Variants in PACRGL observed in about 807,000 individuals in gnomAD.
PACRGL encodes PACRG-like protein.
PACRGL carries 38 observed loss-of-function variants against 34.5 expected under a neutral mutation model. The observed-to-expected ratio is 1.10, with a 90% CI of 0.85 to 1.44. PACRGL has a LOEUF of 1.44. Among genes scored for constraint, PACRGL ranks in the 40% most tolerant of loss-of-function variants. The pLI is 0.00. For missense variants in PACRGL, 305 were observed against 281.4 expected, an observed-to-expected ratio of 1.08 and a Z score of -0.60; for synonymous variants, 128 against 100.1, an observed-to-expected ratio of 1.28 and a Z score of -1.66.
At chr4:20,757,527 C>T (rs1403536059), downstream of PACRGL, among the ~76,000 whole-genome samples, 1 of 152,176 alleles carries the variant, frequency 6.6e-6, no homozygotes, top group Non-Finnish European at 1.5e-5. Flanking sequence ...CCATTGTACA[C>T]TCTCTACCCT....
downstream of PACRGL, among the ~76,000 whole-genome samples, chr4:20,754,231 A>G (rs1472964408): frequency 1.3e-5 from 2 of 152,118 alleles, no homozygotes; most frequent in Non-Finnish European, 2.9e-5. Context: ...CAGCTCACCA[A>G]ACAAGTTGGG....
At chr4:20,757,795 G>A (rs578149433), downstream of PACRGL, among the ~76,000 whole-genome samples, 22 of 152,192 alleles carry the variant, frequency 1.4e-4, no homozygotes, top group South Asian at 2.3e-3. Flanking sequence ...TTATAGGTAG[G>A]GTTGTTGGAT....
intron 7 of PACRGL, among the ~76,000 whole-genome samples, chr4:20,720,682 G>T (rs187389663): frequency 5.3e-5 from 8 of 152,292 alleles, no homozygotes; most frequent in African/African-American, 1.9e-4. Flanking sequence ...TAGAGTGTCT[G>T]CCACGAGTTC....
chr4:20,702,273 C>T, intron 1 of PACRGL: 1 of 453,834 alleles, frequency 2.2e-6, no homozygotes, highest in East Asian at 7.0e-5. Flanking sequence ...TGCCTGTGCC[C>T]TTGTTATGTT....
At chr4:20,754,058 T>C (rs1754095732), downstream of PACRGL, among the ~76,000 whole-genome samples, 1 of 152,160 alleles carries the variant, frequency 6.6e-6, no homozygotes, top group South Asian at 2.1e-4. Flanking sequence ...AACTAAAAGC[T>C]TACACACTAA....
intron 8 of PACRGL, among the ~76,000 whole-genome samples, chr4:20,742,308 A>G (rs1307545163): frequency 1.3e-5 from 2 of 152,220 alleles, no homozygotes; most frequent in African/African-American, 4.8e-5. Flanking sequence ...CATCGATGCA[A>G]AAATCCTCAA....
At chr4:20,749,466 T>C (rs552077750) in intron 8 of PACRGL, among the ~76,000 whole-genome samples, 1 of 152,248 alleles carries the variant, frequency 6.6e-6, no homozygotes, top group East Asian at 1.9e-4. Context: ...ATATAAAGCA[T>C]TAGAAAATAA....
chr4:20,702,628 T>C (rs993293584), intron 1 of PACRGL: 3 of 124,798 alleles, frequency 2.4e-5, no homozygotes, highest in African/African-American at 1.0e-4. Context: ...TTGAGGAAAC[T>C]GATGCATTTT....
chr4:20,725,841 A>G (rs9291412), intron 8 of PACRGL, among the ~76,000 whole-genome samples: 23,463 of 151,196 alleles, frequency 0.16, 2,543 homozygotes, highest in African/African-American at 0.31. Context: ...TAGATAATGA[A>G]TTTCTTTGTT....
chr4:20,748,560 T>TATA (rs1752879061), intron 8 of PACRGL, among the ~76,000 whole-genome samples: 7 of 64,902 alleles, frequency 1.1e-4, no homozygotes, highest in Non-Finnish European at 1.2e-4. Context: ...CTTCCAAATT[T>TATA]TATATATATA....
At chr4:20,702,915 C>G (rs11936560) in intron 1 of PACRGL, among the ~76,000 whole-genome samples, 1 of 151,924 alleles carries the variant, frequency 6.6e-6, no homozygotes, top group South Asian at 2.1e-4. Context: ...GATCAATGTA[C>G]TAAATCAAGG....
downstream of PACRGL, among the ~76,000 whole-genome samples, chr4:20,753,381 C>T (rs868823111): frequency 2.0e-5 from 3 of 152,086 alleles, no homozygotes; most frequent in Non-Finnish European, 2.9e-5. Context: ...GTAAACTACT[C>T]GAGGTTACAT....
rs1731771631 is a variant in PACRGL, at chr4:20,700,711, G to T, written c.-93G>T. On this transcript the variant is annotated 5_prime_UTR_variant, in exon 1 of 9. Transcript: ENST00000503585. ...TTGCTAAGGACCCTTGAGATCGTGA[G>T]CGCTTGGAGTGTACCCCTCCTTTCC... 6.6e-6 allele frequency: 1 copy of T among 152,202 alleles called. No individual in the cohort carries two copies. Among genetic ancestry groups the T allele is most frequent in the Admixed American group, 6.5e-5 (1 of 15,284 alleles). The allele number at this position is 152,202 out of a possible 1,614,324, so 9.4% of individuals were successfully genotyped here.
chr4:20,714,438 T>C (rs980303057), intron 7 of PACRGL, among the ~76,000 whole-genome samples: 5 of 152,214 alleles, frequency 3.3e-5, no homozygotes, highest in African/African-American at 1.2e-4. Flanking sequence ...CTGATGGGTC[T>C]TGACTCTTTA....
downstream of PACRGL, among the ~76,000 whole-genome samples, chr4:20,753,301 G>GA (rs1413827868): frequency 2.0e-5 from 3 of 152,012 alleles, no homozygotes; most frequent in Admixed American, 6.5e-5. Flanking sequence ...TACTAGAGTA[G>GA]AAAAAACCCC....
At chr4:20,722,242 G>A (rs2149179664) in intron 7 of PACRGL, among the ~76,000 whole-genome samples, 1 of 152,342 alleles carries the variant, frequency 6.6e-6, no homozygotes, top group African/African-American at 2.4e-5. Flanking sequence ...GCTTGGCTAG[G>A]AAAGGGAATT....
At chr4:20,700,392 A>G (rs1019884644), upstream of PACRGL, 13 of 152,216 alleles carry the variant, frequency 8.5e-5, no homozygotes, top group East Asian at 3.9e-4. Flanking sequence ...GGTTTAGACG[A>G]CGCAGCGTGC....
intron 7 of PACRGL, 27 bp from the exon 8 acceptor site, chr4:20,724,781 C>A (rs577772710): frequency 2.3e-6 from 3 of 1,323,916 alleles, no homozygotes; most frequent in South Asian, 1.6e-5. Flanking sequence ...AAAGTCATTT[C>A]GTTTCCCCCT....
At chr4:20,758,813 G>C in the PACRGL span, 5 of 1,606,976 alleles carry the variant, frequency 3.1e-6, no homozygotes, top group Admixed American at 5.0e-5. Flanking sequence ...GTCCACATTT[G>C]TACTTACCTC....
Sources: allele counts gnomAD v4.1 joint callset (sites outside exome capture counted in the v4.1 genomes callset), GRCh38; gene constraint gnomAD v4.1.1; transcripts MANE v1.5; gene names NCBI Gene and HGNC (gene_info 2026-07-23, HGNC 2026-07-21).